The following COG6 variants were observed in gnomAD, a reference collection of about 807,000 sequenced individuals.
The protein encoded by COG6 is conserved oligomeric Golgi complex subunit 6.
In COG6, 74 loss-of-function variants were observed where a neutral mutation model predicts 88.8. The observed-to-expected ratio is 0.83, with a 90% CI of 0.69 to 1.01. The LOEUF is 1.01. Among genes scored for constraint, COG6 ranks in the 50% least tolerant of loss-of-function variants. COG6 has a pLI of 0.00. For missense variants in COG6, 800 were observed against 797.9 expected (o/e 1.00, Z -0.03); for synonymous variants, 286 against 278.7 (o/e 1.03, Z -0.26).
At position 39,719,372 on chromosome 13, in the gene COG6, G is replaced by A; in HGVS notation, c.1416+5G>A. 1.2e-6 allele frequency: 2 copies of A among 1,611,366 alleles called. No homozygotes were observed. The highest frequency in any genetic ancestry group is 1.1e-5 in the South Asian group (1 of 90,942). On this transcript the variant is annotated splice_donor_5th_base_variant and intron_variant, in intron 14 of 18. Coordinates refer to ENST00000455146, the MANE Select transcript of COG6 (RefSeq NM_020751.3). ...CGTCAAGCTGATTTTGTGCAGGTAT[G>A]TTATAAATTCATTTTTAATGATTGT...
chr13:39,751,602 G>T lies in COG6; in HGVS notation c.*509G>T, dbSNP rs1349792600. 4.7e-6 allele frequency: 6 copies of T among 1,287,154 alleles called. No individual in the cohort carries two copies. In the Admixed American group the frequency reaches 1.4e-4, roughly 30 times the overall value. The allele number at this position is 1,287,154 out of a possible 1,614,324, so 79.7% of individuals were successfully genotyped here. ...CCAAAATAGCTGCCCTTAAAGAGTT[G>T]TTAGCAGAGAGAAAAATAACAGTGA... On this transcript the variant is annotated 3_prime_UTR_variant, in exon 19 of 19. Coordinates refer to ENST00000455146, the MANE Select transcript of COG6 (RefSeq NM_020751.3).
chr13:39,734,671 A>C (rs1189644384), intron 18 of COG6, among the ~76,000 whole-genome samples: 1 of 152,120 alleles, frequency 6.6e-6, no homozygotes, highest in Admixed American at 6.6e-5. Context: ...CTCTCTGGGA[A>C]GTCTGTCCAG....
chr13:39,723,901 G>C (rs532636099), intron 16 of COG6, among the ~76,000 whole-genome samples: 2 of 151,978 alleles, frequency 1.3e-5, no homozygotes, highest in Admixed American at 1.3e-4. Flanking sequence ...CCATTACTTT[G>C]AGAAGGTAGT....
chr13:39,734,549 G>A (rs1440818871), intron 18 of COG6, among the ~76,000 whole-genome samples: 2 of 152,074 alleles, frequency 1.3e-5, no homozygotes, highest in East Asian at 3.8e-4. Flanking sequence ...TGATCTATGT[G>A]CTGCAGAGAA....
At chr13:39,724,940 C>A (rs192260902) in intron 17 of COG6, among the ~76,000 whole-genome samples, 1 of 151,830 alleles carries the variant, frequency 6.6e-6, no homozygotes, top group Admixed American at 6.6e-5. Context: ...ACGTGAAAAT[C>A]GAAATTAGAT....
chr13:39,661,367 A>G (rs990652034), intron 3 of COG6, among the ~76,000 whole-genome samples: 2 of 152,182 alleles, frequency 1.3e-5, no homozygotes, highest in African/African-American at 4.8e-5. Context: ...AATTAACCTC[A>G]TTCATCTAAT....
intron 12 of COG6, among the ~76,000 whole-genome samples, chr13:39,697,591 A>G (rs77580700): frequency 0.063 from 9,594 of 151,964 alleles, 391 homozygotes; most frequent in Non-Finnish European, 0.095. Flanking sequence ...GATCCAAGCT[A>G]TTTAAGAGAA....
intron 18 of COG6, among the ~76,000 whole-genome samples, chr13:39,763,469 T>C (rs1881083936): frequency 6.6e-6 from 1 of 151,828 alleles, no homozygotes; most frequent in Non-Finnish European, 1.5e-5. Flanking sequence ...AGGTATTTTG[T>C]AGATAAGCTT....
At chr13:39,753,515 T>C (rs1419449157), downstream of COG6, among the ~76,000 whole-genome samples, 1 of 152,186 alleles carries the variant, frequency 6.6e-6, no homozygotes, top group Non-Finnish European at 1.5e-5. Context: ...TACACCCACA[T>C]TCTCAGTTAA....
chr13:39,702,594 C>T (rs547231147), intron 13 of COG6, among the ~76,000 whole-genome samples: 1 of 152,056 alleles, frequency 6.6e-6, no homozygotes, highest in Non-Finnish European at 1.5e-5. Context: ...ATAAAACTAA[C>T]AGCCAACATC....
In COG6 at chr13:39,751,465, G is replaced by C. The variant is rs1487503444; in HGVS notation, c.*372G>C. 1 of 1,254,796 alleles carries C rather than the reference G, an allele frequency of 8.0e-7. No individual in the cohort carries two copies. The highest frequency in any genetic ancestry group is 1.0e-6 in the Non-Finnish European group (1 of 959,004). The allele number at this position is 1,254,796 out of a possible 1,614,324, so 77.7% of individuals were successfully genotyped here. A position where few individuals can be genotyped will look rare whatever the true frequency, so the allele number is the denominator to read the frequency against. ...AAAATTTGTCTAAATTTAATAATTAGTATAAGGATATGACCTAATAAATGT... is the reference window on the plus strand; with the variant it reads ...AAAATTTGTCTAAATTTAATAATTACTATAAGGATATGACCTAATAAATGT... On this transcript the variant is annotated 3_prime_UTR_variant, in exon 19 of 19. Coordinates refer to ENST00000455146, the MANE Select transcript of COG6 (RefSeq NM_020751.3).
At chr13:39,786,317 A>G (rs2138193576) in intron 18 of COG6, among the ~76,000 whole-genome samples, 1 of 152,302 alleles carries the variant, frequency 6.6e-6, no homozygotes, top group East Asian at 1.9e-4. Flanking sequence ...ATGGGGAGGC[A>G]GATAAAGAGG....
At chr13:39,766,074 A>T (rs1307181201) in intron 18 of COG6, among the ~76,000 whole-genome samples, 1 of 152,158 alleles carries the variant, frequency 6.6e-6, no homozygotes, top group African/African-American at 2.4e-5. Context: ...CCATCCAGCC[A>T]CTTCTGGCTT....
At chr13:39,760,652 A>G (rs1321822496) in intron 18 of COG6, among the ~76,000 whole-genome samples, 4 of 152,120 alleles carry the variant, frequency 2.6e-5, no homozygotes, top group African/African-American at 4.8e-5. Context: ...ACACACTACT[A>G]TGATTTACCA....
intron 18 of COG6, among the ~76,000 whole-genome samples, chr13:39,773,030 A>G (rs925773695): frequency 1.2e-4 from 19 of 152,194 alleles, no homozygotes; most frequent in African/African-American, 4.6e-4. Context: ...GTCTCTGTTT[A>G]TTAGTCGAGA....
chr13:39,681,742 A>G (rs562113604), intron 7 of COG6, among the ~76,000 whole-genome samples: 1 of 152,202 alleles, frequency 6.6e-6, no homozygotes, highest in Non-Finnish European at 1.5e-5. Context: ...ATATCACTAT[A>G]TATTAGTTAA....
intron 13 of COG6, among the ~76,000 whole-genome samples, chr13:39,708,703 T>A (rs1418854109): frequency 6.6e-6 from 1 of 152,198 alleles, no homozygotes; most frequent in Admixed American, 6.5e-5. Flanking sequence ...AATACCATGT[T>A]CTCATAGTAG....
At chr13:39,702,326 C>T (rs1200495365) in intron 13 of COG6, among the ~76,000 whole-genome samples, 1 of 151,876 alleles carries the variant, frequency 6.6e-6, no homozygotes, top group Non-Finnish European at 1.5e-5. Context: ...ATAACACCGA[C>T]ATAAAACCTT....
chr13:39,723,211 G>A, intron 15 of COG6, 122 bp from the exon 16 acceptor site: 1 of 681,050 alleles, frequency 1.5e-6, no homozygotes, highest in Non-Finnish European at 2.7e-6. Flanking sequence ...TTTGGGGGAA[G>A]AAAGAGGCTT....
Sources: gnomAD v4.1 joint callset for allele counts (sites outside exome capture counted in the v4.1 genomes callset) on GRCh38, gnomAD v4.1.1 for gene constraint, MANE v1.5 for transcripts, NCBI Gene and HGNC (gene_info 2026-07-23, HGNC 2026-07-21) for gene names.